Variants in TTC27 observed in about 807,000 individuals in gnomAD.
TTC27 encodes tetratricopeptide repeat protein 27.
TTC27 carries 79 observed loss-of-function variants against 115.9 expected under a neutral mutation model. That is an observed-to-expected ratio of 0.68 (90% CI 0.57 to 0.82). The LOEUF (loss-of-function observed/expected upper bound fraction) is 0.82. Ranked by LOEUF, TTC27 falls within the 40% of genes least tolerant of loss-of-function variation. The pLI is 0.00. For synonymous variants in TTC27, 401 were observed against 356.0 expected (o/e 1.13, Z -1.42); for missense variants, 1,054 against 993.1 (o/e 1.06, Z -0.82).
At chr2:32,649,473 G>A (rs1363625039) in intron 4 of TTC27, among the ~76,000 whole-genome samples, 1 of 152,072 alleles carries the variant, frequency 6.6e-6, no homozygotes, top group Admixed American at 6.6e-5. Context: ...GGGGGTTCTT[G>A]TGGGGCCTCT....
At chr2:32,635,504 G>A (rs1664384341) in intron 3 of TTC27, among the ~76,000 whole-genome samples, 1 of 152,044 alleles carries the variant, frequency 6.6e-6, no homozygotes, top group Non-Finnish European at 1.5e-5. Context: ...GATCAACATG[G>A]TGAAACTCCG....
intron 15 of TTC27, among the ~76,000 whole-genome samples, 163 bp from the exon 16 acceptor site, chr2:32,786,821 G>A (rs1263651307): frequency 6.6e-6 from 1 of 152,178 alleles, no homozygotes; most frequent in African/African-American, 2.4e-5. Context: ...ATTTTGTAGG[G>A]AAGTTTGAGT....
At chr2:32,754,298 G>A (rs552699228) in intron 12 of TTC27, among the ~76,000 whole-genome samples, 2 of 150,658 alleles carry the variant, frequency 1.3e-5, no homozygotes, top group Non-Finnish European at 3.0e-5. Context: ...TCGGCCTTCC[G>A]CAGTGTTTGT....
chr2:32,691,747 C>T (rs1305388692), intron 9 of TTC27, among the ~76,000 whole-genome samples: 1 of 151,172 alleles, frequency 6.6e-6, no homozygotes. Context: ...ATTTCACATT[C>T]ACAACAGTCA....
chr2:32,743,948 C>G (rs913502546), intron 12 of TTC27, among the ~76,000 whole-genome samples: 2 of 152,264 alleles, frequency 1.3e-5, no homozygotes, highest in Non-Finnish European at 2.9e-5. Flanking sequence ...TAGAAAATAC[C>G]ATTAGCCCTT....
At chr2:32,718,380 A>G (rs946725428) in intron 10 of TTC27, among the ~76,000 whole-genome samples, 1 of 152,160 alleles carries the variant, frequency 6.6e-6, no homozygotes, top group Non-Finnish European at 1.5e-5. Context: ...TATTTAGTCC[A>G]TTCATAAAAT....
intron 12 of TTC27, among the ~76,000 whole-genome samples, chr2:32,751,294 A>ATG (rs894264031): frequency 4.0e-5 from 6 of 151,414 alleles, no homozygotes; most frequent in Non-Finnish European, 5.9e-5. Context: ...ACACACACAC[A>ATG]CACACACATG....
At chr2:32,695,935 A>G (rs888885341) in intron 9 of TTC27, among the ~76,000 whole-genome samples, 1 of 151,224 alleles carries the variant, frequency 6.6e-6, no homozygotes, top group Admixed American at 6.6e-5. Context: ...ATAAAATATT[A>G]TGAAAGTAAA....
At chr2:32,752,829 G>C (rs979215208) in intron 12 of TTC27, among the ~76,000 whole-genome samples, 9 of 152,108 alleles carry the variant, frequency 5.9e-5, no homozygotes, top group African/African-American at 2.2e-4. Context: ...CTTGGATCCT[G>C]CTCTTTCATA....
intron 13 of TTC27, among the ~76,000 whole-genome samples, chr2:32,774,289 TC>T (rs985723708): frequency 4.2e-4 from 63 of 151,592 alleles, no homozygotes; most frequent in African/African-American, 1.5e-3. Flanking sequence ...CAAGTGATTC[TC>T]CCACCTCAGT....
intron 6 of TTC27, 83 bp downstream of exon 6, chr2:32,664,550 T>C: frequency 8.3e-7 from 1 of 1,209,898 alleles, no homozygotes; most frequent in African/African-American, 1.5e-5. Context: ...TATGTTGGTA[T>C]TAGATTTTCT....
At chr2:32,787,380 GA>G (rs1159742402) in intron 16 of TTC27, among the ~76,000 whole-genome samples, 1 of 152,158 alleles carries the variant, frequency 6.6e-6, no homozygotes, top group Non-Finnish European at 1.5e-5. Context: ...ACTCAGTTAT[GA>G]AAATCTGATA....
chr2:32,643,705 G>A (rs1007541902), intron 4 of TTC27, among the ~76,000 whole-genome samples: 5 of 152,030 alleles, frequency 3.3e-5, no homozygotes, highest in Non-Finnish European at 5.9e-5. Flanking sequence ...TGAGTGAGAC[G>A]GTTTTTAAGT....
intron 10 of TTC27, among the ~76,000 whole-genome samples, chr2:32,727,170 C>T (rs1291197532): frequency 6.6e-6 from 1 of 152,190 alleles, no homozygotes; most frequent in Non-Finnish European, 1.5e-5. Context: ...CCTCTATCTG[C>T]AACTATGAAC....
chr2:32,778,033 T>C, intron 14 of TTC27, 53 bp downstream of exon 14: 1 of 1,567,896 alleles, frequency 6.4e-7, no homozygotes, highest in Non-Finnish European at 8.8e-7. Flanking sequence ...TCTAAGTTGT[T>C]GAAATTGTAC....
chr2:32,717,378 C>A (rs142828632), intron 10 of TTC27, among the ~76,000 whole-genome samples: 41 of 152,058 alleles, frequency 2.7e-4, no homozygotes, highest in Admixed American at 8.5e-4. Flanking sequence ...GTGATTGGAC[C>A]CATGGAGAAG....
At chr2:32,644,910 G>A (rs1240075589) in intron 4 of TTC27, among the ~76,000 whole-genome samples, 1 of 101,452 alleles carries the variant, frequency 9.9e-6, no homozygotes, top group Admixed American at 1.5e-4. Flanking sequence ...GTCTTGCTGT[G>A]TTGTCCAGGA....
intron 4 of TTC27, among the ~76,000 whole-genome samples, chr2:32,646,387 T>G (rs1267987008): frequency 6.6e-6 from 1 of 152,020 alleles, no homozygotes; most frequent in South Asian, 2.1e-4. Context: ...CAGGCTTGTC[T>G]GAAACTCGTG....
intron 10 of TTC27, among the ~76,000 whole-genome samples, chr2:32,729,742 G>A (rs959664627): frequency 6.6e-6 from 1 of 151,882 alleles, no homozygotes; most frequent in African/African-American, 2.4e-5. Context: ...CATCTCTTCA[G>A]TCATCCACCT....
Sources: gnomAD v4.1 joint callset for allele counts (sites outside exome capture counted in the v4.1 genomes callset) on GRCh38, gnomAD v4.1.1 for gene constraint, MANE v1.5 for transcripts, NCBI Gene and HGNC (gene_info 2026-07-23, HGNC 2026-07-21) for gene names.